Variants in CNTNAP2 observed in about 807,000 individuals in gnomAD.
The protein encoded by CNTNAP2 is contactin-associated protein-like 2.
Under a neutral mutation model 155.2 loss-of-function variants are expected in CNTNAP2, and 98 were observed. That is an observed-to-expected ratio of 0.63 (90% CI 0.54 to 0.75). The LOEUF (loss-of-function observed/expected upper bound fraction) is 0.75. Among genes scored for constraint, CNTNAP2 ranks in the 30% least tolerant of loss-of-function variants. The pLI is 0.00. For missense variants in CNTNAP2, 1,727 were observed against 1,688.1 expected, an observed-to-expected ratio of 1.02 and a Z score of -0.40; for synonymous variants, 651 against 631.2, an observed-to-expected ratio of 1.03 and a Z score of -0.47.
chr7:147,066,629 C>A (rs1799783916), intron 4 of CNTNAP2, among the ~76,000 whole-genome samples: 1 of 152,092 alleles, frequency 6.6e-6, no homozygotes, highest in Non-Finnish European at 1.5e-5. Context: ...ACGAGTTTTT[C>A]TTACTGAGAA....
At position 146,392,903 on chromosome 7, in the gene CNTNAP2, C is replaced by T. The variant is rs558682634; in HGVS notation, c.97+275930C>T. ...TGAAAGAAAGTGACTGCTGAGTAATCATTTGCACTCAGAGTTTTGCAAAAT... is the reference window on the plus strand; with the variant it reads ...TGAAAGAAAGTGACTGCTGAGTAATTATTTGCACTCAGAGTTTTGCAAAAT... On this transcript the variant is annotated intron_variant, in intron 1 of 23. Transcript: ENST00000361727. Among the ~76,000 whole-genome samples, 5 of 152,186 alleles carry T rather than the reference C, an allele frequency of 3.3e-5. No homozygotes were observed. The South Asian group carries it at 1.0e-3, about 32-fold the overall frequency.
chr7:147,577,029 G>A (rs916896672), intron 12 of CNTNAP2, among the ~76,000 whole-genome samples: 3 of 152,014 alleles, frequency 2.0e-5, no homozygotes, highest in Non-Finnish European at 4.4e-5. Flanking sequence ...GACTATCCAG[G>A]TAGTTTTACC....
chr7:146,227,530 C>T (rs866980831), intron 1 of CNTNAP2, among the ~76,000 whole-genome samples: 24 of 151,674 alleles, frequency 1.6e-4, no homozygotes, highest in Non-Finnish European at 2.4e-4. Flanking sequence ...AACTGATTTG[C>T]ATCTTCTTTC....
At chr7:146,442,254 A>T (rs966806062) in intron 1 of CNTNAP2, among the ~76,000 whole-genome samples, 4 of 151,614 alleles carry the variant, frequency 2.6e-5, no homozygotes, top group African/African-American at 7.3e-5. Flanking sequence ...AGGGTTTCTT[A>T]TGCCCATCTA....
chr7:148,220,389 A>G (rs1345200888), intron 19 of CNTNAP2, among the ~76,000 whole-genome samples: 3 of 152,252 alleles, frequency 2.0e-5, no homozygotes, highest in Non-Finnish European at 4.4e-5. Context: ...GGCGTGAGCC[A>G]TCGTGCCTGG....
At chr7:146,436,356 A>G (rs1176208788) in intron 1 of CNTNAP2, among the ~76,000 whole-genome samples, 1 of 152,168 alleles carries the variant, frequency 6.6e-6, no homozygotes, top group African/African-American at 2.4e-5. Flanking sequence ...ATGTGGCTAT[A>G]TATGTTGCAG....
chr7:146,559,596 A>C (rs1487272456), intron 1 of CNTNAP2, among the ~76,000 whole-genome samples: 1 of 152,098 alleles, frequency 6.6e-6, no homozygotes, highest in Non-Finnish European at 1.5e-5. Context: ...AATAAAAATA[A>C]AAAGAAACAG....
chr7:146,465,285 T>A (rs1283171201), intron 1 of CNTNAP2, among the ~76,000 whole-genome samples: 2 of 152,186 alleles, frequency 1.3e-5, no homozygotes, highest in Non-Finnish European at 2.9e-5. Flanking sequence ...AAGTTTGTTT[T>A]TTTAAAGGGA....
At chr7:147,868,406 A>G (rs1799269496) in intron 13 of CNTNAP2, among the ~76,000 whole-genome samples, 2 of 152,174 alleles carry the variant, frequency 1.3e-5, no homozygotes, top group South Asian at 4.1e-4. Context: ...GGTGTCTCCC[A>G]GTTAGGCTAC....
intron 1 of CNTNAP2, among the ~76,000 whole-genome samples, chr7:146,178,652 T>G (rs1057367965): frequency 3.3e-5 from 5 of 152,170 alleles, no homozygotes; most frequent in African/African-American, 1.2e-4. Flanking sequence ...TGCTAACTTT[T>G]GTAATCTTCA....
At chr7:147,408,570 C>T (rs1025320437) in intron 10 of CNTNAP2, among the ~76,000 whole-genome samples, 1 of 152,172 alleles carries the variant, frequency 6.6e-6, no homozygotes, top group Non-Finnish European at 1.5e-5. Context: ...ACCATCCTGG[C>T]TAACACGGTG....
chr7:147,403,747 GT>G (rs1796957634), intron 10 of CNTNAP2, among the ~76,000 whole-genome samples: 2 of 152,068 alleles, frequency 1.3e-5, no homozygotes, highest in South Asian at 4.1e-4. Context: ...GACTCTAGAG[GT>G]GAATTATCCC....
At chr7:147,811,176 C>A (rs779039289) in intron 13 of CNTNAP2, among the ~76,000 whole-genome samples, 1 of 152,136 alleles carries the variant, frequency 6.6e-6, no homozygotes, top group Admixed American at 6.5e-5. Flanking sequence ...CTCACTGCAA[C>A]CTCCACCTCC....
chr7:146,795,107 A>G (rs905961716), intron 2 of CNTNAP2, among the ~76,000 whole-genome samples: 1 of 152,214 alleles, frequency 6.6e-6, no homozygotes, highest in Non-Finnish European at 1.5e-5. Context: ...TATGAATATA[A>G]CTATTTTCCC....
chr7:146,771,541 G>A (rs1802292625), intron 1 of CNTNAP2, among the ~76,000 whole-genome samples: 2 of 152,216 alleles, frequency 1.3e-5, no homozygotes, highest in South Asian at 4.2e-4. Context: ...TTTGTGAATT[G>A]ATACTTTTAA....
In CNTNAP2 at chr7:146,417,241, C is replaced by T. The variant is rs184339646; in HGVS notation, c.97+300268C>T. On this transcript the variant is annotated intron_variant, in intron 1 of 23. Coordinates refer to ENST00000361727, the MANE Select transcript of CNTNAP2 (RefSeq NM_014141.6). The stretch of plus-strand genomic sequence containing the variant: ...CTCTGTACTGTCAAAAGTAAAGCTA[C>T]TTGGCAAAGCTTATGAGACTTTATG... Among the ~76,000 whole-genome samples the T allele has an allele frequency of 2.6e-5, 4 of 152,208 alleles. No homozygotes were observed. In the East Asian group the frequency reaches 7.7e-4, roughly 29 times the overall value.
intron 15 of CNTNAP2, among the ~76,000 whole-genome samples, chr7:148,093,338 T>A (rs1417446233): frequency 6.6e-6 from 1 of 152,180 alleles, no homozygotes; most frequent in Non-Finnish European, 1.5e-5. Flanking sequence ...AAGAAATGTG[T>A]TTAACATTTT....
At chr7:146,723,328 C>T (rs1801372099) in intron 1 of CNTNAP2, among the ~76,000 whole-genome samples, 1 of 152,168 alleles carries the variant, frequency 6.6e-6, no homozygotes, top group South Asian at 2.1e-4. Context: ...GTCCAGCCAA[C>T]ATCTTGAGTT....
chr7:148,148,212 T>C (rs923035033), intron 17 of CNTNAP2, among the ~76,000 whole-genome samples: 1 of 152,092 alleles, frequency 6.6e-6, no homozygotes, highest in Admixed American at 6.6e-5. Flanking sequence ...AGACTTTTCC[T>C]GACATAGGAA....
Sources: allele counts gnomAD v4.1 joint callset (sites outside exome capture counted in the v4.1 genomes callset), GRCh38; gene constraint gnomAD v4.1.1; transcripts MANE v1.5; gene names NCBI Gene and HGNC (gene_info 2026-07-23, HGNC 2026-07-21).